ARHGAP22: variants seen among roughly 807,000 people sequenced by gnomAD.
The protein encoded by ARHGAP22 is Rho GTPase activating protein 22.
In ARHGAP22, 48 loss-of-function variants were observed where a neutral mutation model predicts 59.1. The ratio of observed to expected loss-of-function variants is 0.81; its 90% CI spans 0.64 to 1.03. ARHGAP22 has a LOEUF of 1.03. ARHGAP22 is among the 50% of genes least tolerant of loss of function. The pLI is 0.00. For synonymous variants in ARHGAP22, 445 were observed against 416.4 expected (o/e 1.07, Z -0.84); for missense variants, 1,015 against 958.7 (o/e 1.06, Z -0.78).
chr10:48,536,196 C>T (rs1272539611), intron 3 of ARHGAP22, among the ~76,000 whole-genome samples: 2 of 152,212 alleles, frequency 1.3e-5, no homozygotes, highest in Admixed American at 6.5e-5. Flanking sequence ...CTCTGCCAGA[C>T]GAGGGCACTG....
At chr10:48,630,170 C>A (rs1265876280) in intron 1 of ARHGAP22, among the ~76,000 whole-genome samples, 1 of 152,320 alleles carries the variant, frequency 6.6e-6, no homozygotes, top group Non-Finnish European at 1.5e-5. Flanking sequence ...CAGCTCACTG[C>A]AACCTCCACC....
chr10:48,645,179 C>T (rs2062239910), intron 1 of ARHGAP22, among the ~76,000 whole-genome samples: 2 of 152,162 alleles, frequency 1.3e-5, no homozygotes, highest in African/African-American at 4.8e-5. Flanking sequence ...CGTGCCCCCA[C>T]CTCCCGCCAC....
intron 2 of ARHGAP22, among the ~76,000 whole-genome samples, chr10:48,564,987 T>C (rs897846470): frequency 6.6e-6 from 1 of 152,120 alleles, no homozygotes; most frequent in Non-Finnish European, 1.5e-5. Context: ...ATAAAGGAGA[T>C]TAACAACAGC....
At chr10:48,471,937 G>A (rs143214973) in intron 4 of ARHGAP22, among the ~76,000 whole-genome samples, 7 of 152,290 alleles carry the variant, frequency 4.6e-5, no homozygotes, top group African/African-American at 1.2e-4. Flanking sequence ...GGCCAGGTGC[G>A]GTGGCTCACA....
At chr10:48,537,642 T>C (rs1379106024) in intron 3 of ARHGAP22, among the ~76,000 whole-genome samples, 1 of 152,138 alleles carries the variant, frequency 6.6e-6, no homozygotes, top group African/African-American at 2.4e-5. Flanking sequence ...CTCAGGAAGA[T>C]GAGGTGACTT....
At chr10:48,592,241 G>A (rs922828659) in intron 1 of ARHGAP22, among the ~76,000 whole-genome samples, 6 of 151,970 alleles carry the variant, frequency 3.9e-5, no homozygotes, top group East Asian at 1.9e-4. Context: ...GGCTAGACTC[G>A]AACTCCTGGG....
At chr10:48,642,031 G>A (rs971746204) in intron 1 of ARHGAP22, among the ~76,000 whole-genome samples, 3 of 152,116 alleles carry the variant, frequency 2.0e-5, no homozygotes, top group Non-Finnish European at 4.4e-5. Flanking sequence ...AGCTTACAAG[G>A]GATGTGAAGG....
chr10:48,648,685 G>C (rs1277030768), intron 1 of ARHGAP22, among the ~76,000 whole-genome samples: 1 of 152,184 alleles, frequency 6.6e-6, no homozygotes, highest in East Asian at 1.9e-4. Flanking sequence ...CAGCTGTCCT[G>C]GGGGGAAAAT....
At chr10:48,543,919 C>T (rs1391184681) in intron 3 of ARHGAP22, among the ~76,000 whole-genome samples, 1 of 152,038 alleles carries the variant, frequency 6.6e-6, no homozygotes, top group Admixed American at 6.5e-5. Flanking sequence ...GTCAGGAGTT[C>T]GAGACCAGTC....
At chr10:48,620,261 G>T (rs958950782) in intron 1 of ARHGAP22, among the ~76,000 whole-genome samples, 1 of 86,496 alleles carries the variant, frequency 1.2e-5, no homozygotes, top group Admixed American at 1.5e-4. Flanking sequence ...ACACACACTT[G>T]TACATGTTTT....
At chr10:48,628,379 A>G (rs17010986) in intron 1 of ARHGAP22, among the ~76,000 whole-genome samples, 1,871 of 152,320 alleles carry the variant, frequency 0.012, 40 homozygotes, top group African/African-American at 0.043. Flanking sequence ...TTCTTATTTT[A>G]AGAGAAAAGT....
intron 3 of ARHGAP22, among the ~76,000 whole-genome samples, chr10:48,523,627 C>T (rs770359069): frequency 3.1e-4 from 47 of 152,344 alleles, no homozygotes; most frequent in Non-Finnish European, 5.0e-4. Flanking sequence ...AGTTAAGCCG[C>T]AGGGGCGGCG....
At chr10:48,430,833 G>T in the ARHGAP22 span, 1 of 252,982 alleles carries the variant, frequency 4.0e-6, no homozygotes, top group Non-Finnish European at 7.5e-6. Flanking sequence ...AAGACACGTG[G>T]TTCAAGCCCT....
chr10:48,451,289 G>A lies in ARHGAP22; in HGVS notation c.989-149C>T, dbSNP rs753422587. The A allele has an allele frequency of 1.4e-5, 15 of 1,091,706 alleles. No homozygotes were observed. The South Asian group carries it at 1.9e-4, about 14-fold the overall frequency. The allele number at this position is 1,091,706 out of a possible 1,614,324, so 67.6% of individuals were successfully genotyped here. On this transcript the variant is annotated intron_variant, in intron 8 of 9. Coordinates refer to ENST00000249601, the MANE Select transcript of ARHGAP22 (RefSeq NM_021226.4). ...TCAAGGGAGCCTTCATCCGCCCAGA[G>A]GAAAGGACCACACACCCTCCAACTC... is the stretch of plus-strand genomic sequence containing the variant.
chr10:48,610,770 G>C (rs1486386259), intron 1 of ARHGAP22, among the ~76,000 whole-genome samples: 2 of 152,204 alleles, frequency 1.3e-5, no homozygotes, highest in Non-Finnish European at 2.9e-5. Context: ...GGAGGGGTCT[G>C]GGTTTGGGCA....
chr10:48,460,057 G>C (rs528149692), intron 4 of ARHGAP22, among the ~76,000 whole-genome samples, 166 bp from the exon 5 acceptor site: 1 of 152,246 alleles, frequency 6.6e-6, no homozygotes, highest in Non-Finnish European at 1.5e-5. Context: ...CTGGCCGCCC[G>C]GACACATGCT....
At chr10:48,432,654 A>G in the ARHGAP22 span, among the ~76,000 whole-genome samples, 5 of 152,234 alleles carry the variant, frequency 3.3e-5, no homozygotes, top group Non-Finnish European at 7.3e-5. Context: ...ATACTTTAGC[A>G]TACTATCCAA....
intron 1 of ARHGAP22, among the ~76,000 whole-genome samples, chr10:48,588,043 T>C (rs146540006): frequency 9.3e-4 from 141 of 152,316 alleles, no homozygotes; most frequent in African/African-American, 3.3e-3. Context: ...AATCAATACA[T>C]GGCTGACTGT....
chr10:48,597,631 G>A (rs1360445150), intron 1 of ARHGAP22, among the ~76,000 whole-genome samples: 1 of 152,142 alleles, frequency 6.6e-6, no homozygotes, highest in African/African-American at 2.4e-5. Flanking sequence ...CCTGTTTCTT[G>A]CTCCCGCAGG....
Sources: allele counts gnomAD v4.1 joint callset (sites outside exome capture counted in the v4.1 genomes callset), GRCh38; gene constraint gnomAD v4.1.1; transcripts MANE v1.5; gene names NCBI Gene and HGNC (gene_info 2026-07-23, HGNC 2026-07-21).